Variants in SCNN1B observed in about 807,000 individuals in gnomAD.
SCNN1B encodes the protein sodium channel epithelial 1 subunit beta.
SCNN1B carries 46 observed loss-of-function variants against 65.3 expected under a neutral mutation model. That is an observed-to-expected ratio of 0.70 (90% CI 0.56 to 0.90). The LOEUF is 0.90. SCNN1B is among the 40% of genes least tolerant of loss of function. The probability of loss-of-function intolerance (pLI) is 0.00; values close to 1 mark genes in which losing one functional copy is unlikely to be tolerated. For synonymous variants in SCNN1B, 349 were observed against 330.6 expected (o/e 1.06, Z -0.60); for missense variants, 751 against 830.5 (o/e 0.90, Z 1.18).
At chr16:23,369,567 A>G (rs1962741358) in intron 5 of SCNN1B, among the ~76,000 whole-genome samples, 1 of 152,004 alleles carries the variant, frequency 6.6e-6, no homozygotes. Context: ...AGCCGGGCAC[A>G]GGTGGGAGTG....
intron 1 of SCNN1B, among the ~76,000 whole-genome samples, chr16:23,279,355 C>G (rs1447219763): frequency 6.6e-6 from 1 of 152,192 alleles, no homozygotes; most frequent in Non-Finnish European, 1.5e-5. Flanking sequence ...ACTGGGATTA[C>G]AGGTGTGAAC....
chr16:23,300,993 C>CGTGTGTGTGTGTGTGTGT (rs60930177), upstream of SCNN1B, among the ~76,000 whole-genome samples: 351 of 148,470 alleles, frequency 2.4e-3, 1 homozygote, highest in African/African-American at 5.6e-3. Context: ...GTTAAAAACA[C>CGTGTGTGTGTGTGTGTGT]GTGTGTGTGT....
At chr16:23,376,650 C>T (rs376340073) in intron 8 of SCNN1B, among the ~76,000 whole-genome samples, 3 of 151,110 alleles carry the variant, frequency 2.0e-5, no homozygotes, top group East Asian at 2.0e-4. Flanking sequence ...TGGCTCGTGC[C>T]TGTAATCCCA....
At chr16:23,367,814 C>A in intron 4 of SCNN1B, 42 bp from the exon 5 acceptor site, 1 of 1,480,998 alleles carries the variant, frequency 6.8e-7, no homozygotes, top group Non-Finnish European at 9.4e-7. Flanking sequence ...GAGGCATTGC[C>A]TGTGGTGGAA....
At chr16:23,309,252 C>T (rs1961287000) in intron 1 of SCNN1B, among the ~76,000 whole-genome samples, 1 of 152,094 alleles carries the variant, frequency 6.6e-6, no homozygotes, top group African/African-American at 2.4e-5. Flanking sequence ...CACCTGAGGG[C>T]CTGGGGCAAA....
At chr16:23,322,298 A>ATTT (rs201802245) in intron 1 of SCNN1B, among the ~76,000 whole-genome samples, 1,742 of 151,850 alleles carry the variant, frequency 0.011, 19 homozygotes, top group Non-Finnish European at 0.015. Flanking sequence ...GCAATTTAAA[A>ATTT]TTTTTTTCAT....
chr16:23,305,544 ATATAT>A (rs1961182921), intron 1 of SCNN1B, among the ~76,000 whole-genome samples: 1 of 30,640 alleles, frequency 3.3e-5, no homozygotes, highest in Non-Finnish European at 4.7e-5. Flanking sequence ...TTATATATAT[ATATAT>A]ATATATATAT....
In SCNN1B at chr16:23,378,548, T is replaced by A. The variant is rs78428011; in HGVS notation, c.1405-158T>A. Among the ~76,000 whole-genome samples the A allele has an allele frequency of 0.048, 7,316 of 152,158 alleles. 597 individuals carry two copies. Among genetic ancestry groups the A allele is most frequent in the African/African-American group, 0.17 (6,941 of 41,486 alleles). On this transcript the variant is annotated intron_variant, in intron 10 of 12. Coordinates refer to ENST00000343070, the MANE Select transcript of SCNN1B (RefSeq NM_000336.3). ...CTCCCCTAGAACAGCAGCCACAGCTTCCACTACGACCTTCCTCCTGCTCCT... is the reference window on the plus strand; with the variant it reads ...CTCCCCTAGAACAGCAGCCACAGCTACCACTACGACCTTCCTCCTGCTCCT...
At chr16:23,352,026 C>T (rs768908851) in intron 2 of SCNN1B, among the ~76,000 whole-genome samples, 46 of 152,276 alleles carry the variant, frequency 3.0e-4, no homozygotes, top group Middle Eastern at 3.4e-3. Flanking sequence ...TATATGGGGA[C>T]GGTAACAGAC....
chr16:23,369,095 T>C (rs1456975635), intron 5 of SCNN1B, among the ~76,000 whole-genome samples: 1 of 152,202 alleles, frequency 6.6e-6, no homozygotes, highest in Admixed American at 6.5e-5. Flanking sequence ...TCTCTGCCTC[T>C]CTGGTGTACA....
intron 1 of SCNN1B, among the ~76,000 whole-genome samples, chr16:23,320,720 A>G (rs982542230): frequency 6.6e-6 from 1 of 152,228 alleles, no homozygotes; most frequent in Admixed American, 6.5e-5. Context: ...GTGGGCCTCT[A>G]TACAAACAAA....
At chr16:23,372,218 G>T (rs1164201867) in intron 7 of SCNN1B, 1 of 399,034 alleles carries the variant, frequency 2.5e-6, no homozygotes, top group South Asian at 2.4e-5. Flanking sequence ...GCTGTGCGAA[G>T]GGCTGGAACA....
At chr16:23,339,769 T>C (rs1008012921) in intron 1 of SCNN1B, among the ~76,000 whole-genome samples, 2 of 152,086 alleles carry the variant, frequency 1.3e-5, no homozygotes, top group Non-Finnish European at 2.9e-5. Flanking sequence ...GGTTTCACCA[T>C]GTTGGCCACG....
chr16:23,283,115 GA>G (rs1160906921), intron 1 of SCNN1B, among the ~76,000 whole-genome samples: 4 of 152,218 alleles, frequency 2.6e-5, no homozygotes, highest in African/African-American at 9.6e-5. Context: ...CTTAAGCTCA[GA>G]ACACTTACGT....
At position 23,329,775 on chromosome 16, in the gene SCNN1B, C is replaced by T. The variant is rs757169372; in HGVS notation, c.-8-18817C>T. 3.2e-4 allele frequency among the ~76,000 whole-genome samples: 49 copies of T among 152,184 alleles called. 1 individual carries two copies. The highest frequency in any genetic ancestry group is 8.8e-5 in the Non-Finnish European group (6 of 68,034). Reference sequence around the variant, plus strand: ...CTTTTTTTCCATACTGGGGGTCATGCACACTCACATTCTAACCAGGCGATA... The same window carrying T: ...CTTTTTTTCCATACTGGGGGTCATGTACACTCACATTCTAACCAGGCGATA... On this transcript the variant is annotated intron_variant, in intron 1 of 12. Transcript: ENST00000343070.
chr16:23,297,727 A>T (rs1961017797), upstream of SCNN1B, among the ~76,000 whole-genome samples: 1 of 152,198 alleles, frequency 6.6e-6, no homozygotes, highest in African/African-American at 2.4e-5. Flanking sequence ...TTACTATCCT[A>T]AGAGGAATAC....
At chr16:23,371,270 A>C (rs746356583) in intron 5 of SCNN1B, 29 bp from the exon 6 acceptor site, 1 of 1,612,992 alleles carries the variant, frequency 6.2e-7, no homozygotes, top group Non-Finnish European at 8.5e-7. Context: ...GAGAAAGTTC[A>C]GGCAGCCCTC....
chr16:23,312,849 T>A (rs1198982638), intron 1 of SCNN1B, among the ~76,000 whole-genome samples: 2 of 152,066 alleles, frequency 1.3e-5, no homozygotes, highest in African/African-American at 4.8e-5. Flanking sequence ...ACTGGGCAGA[T>A]TCCCCTCCCC....
chr16:23,365,379 G>A (rs1365798428), intron 4 of SCNN1B, among the ~76,000 whole-genome samples: 2 of 140,930 alleles, frequency 1.4e-5, no homozygotes, highest in Non-Finnish European at 1.5e-5. Context: ...AAGGGAAGAA[G>A]GGAGGAAGGA....
Sources: gnomAD v4.1 joint callset for allele counts (sites outside exome capture counted in the v4.1 genomes callset) on GRCh38, gnomAD v4.1.1 for gene constraint, MANE v1.5 for transcripts, NCBI Gene and HGNC (gene_info 2026-07-23, HGNC 2026-07-21) for gene names.